The following RCOR1 variants were observed in gnomAD, a reference collection of about 807,000 sequenced individuals.
The protein encoded by RCOR1 is REST corepressor 1.
Under a neutral mutation model 64.0 loss-of-function variants are expected in RCOR1, and 12 were observed. The ratio of observed to expected loss-of-function variants is 0.19; its 90% CI spans 0.12 to 0.30. RCOR1 has a LOEUF of 0.30. RCOR1 is among the 10% of genes least tolerant of loss of function. The pLI, the probability that RCOR1 is intolerant of heterozygous loss-of-function variation, is 1.00. For synonymous variants in RCOR1, 279 were observed against 227.2 expected, an observed-to-expected ratio of 1.23 and a Z score of -2.05; for missense variants, 502 against 621.2, an observed-to-expected ratio of 0.81 and a Z score of 2.04.
chr14:102,715,360 C>T (rs758976642), intron 8 of RCOR1, among the ~76,000 whole-genome samples: 9 of 149,940 alleles, frequency 6.0e-5, no homozygotes, highest in Admixed American at 1.3e-4. Context: ...CGTGAGCCAC[C>T]GCGCCCGGCC....
chr14:102,702,646 C>T (rs1895775325), intron 4 of RCOR1, among the ~76,000 whole-genome samples: 1 of 152,092 alleles, frequency 6.6e-6, no homozygotes, highest in Admixed American at 6.6e-5. Flanking sequence ...AAAGGCAGTG[C>T]CTCAGAGAAG....
chr14:102,698,566 T>C (rs1045040038), intron 3 of RCOR1, among the ~76,000 whole-genome samples: 4 of 152,220 alleles, frequency 2.6e-5, no homozygotes, highest in African/African-American at 9.6e-5. Context: ...GAAGGAACCC[T>C]TCAAGCCAGT....
At position 102,670,718 on chromosome 14, in the gene RCOR1, C is replaced by T. The variant is rs766627597; in HGVS notation, c.362-11177C>T. 8.2e-5 allele frequency among the ~76,000 whole-genome samples: 12 copies of T among 146,822 alleles called. 1 individual carries two copies. The highest frequency in any genetic ancestry group is 4.3e-4 in the South Asian group (2 of 4,634). The stretch of plus-strand genomic sequence containing the variant: ...TGTTGTTAAAACCTGTAATTGTGAG[C>T]GTGTCTTAAAATGACAAGATTATTA... On this transcript the variant is annotated intron_variant, in intron 2 of 11. Coordinates refer to ENST00000262241, the MANE Select transcript of RCOR1 (RefSeq NM_015156.4).
In RCOR1 at chr14:102,708,449, C is replaced by G. The variant is rs763520762; in HGVS notation, c.661-16C>G. 2 of 1,317,968 alleles carry G rather than the reference C, an allele frequency of 1.5e-6. No homozygotes were observed. The highest frequency in any genetic ancestry group is 4.6e-5 in the East Asian group (2 of 43,446). The allele number at this position is 1,317,968 out of a possible 1,614,324, so 81.6% of individuals were successfully genotyped here. The stretch of plus-strand genomic sequence containing the variant: ...ACTTTTTTATTTAAATAAACCAACT[C>G]ATTTTTTATGTTTAGCTTCCAGATA... On this transcript the variant is annotated splice_polypyrimidine_tract_variant and intron_variant, in intron 5 of 11. Transcript: ENST00000262241.
chr14:102,693,746 C>T (rs1418484489), intron 3 of RCOR1, among the ~76,000 whole-genome samples: 1 of 152,184 alleles, frequency 6.6e-6, no homozygotes, highest in Non-Finnish European at 1.5e-5. Context: ...GAAAAGTCCT[C>T]GAGGGTCCCC....
At chr14:102,624,460 A>G (rs1414051623) in intron 2 of RCOR1, among the ~76,000 whole-genome samples, 2 of 149,486 alleles carry the variant, frequency 1.3e-5, no homozygotes, top group African/African-American at 4.9e-5. Context: ...AGCCAAGATC[A>G]TGCCAACTGC....
chr14:102,634,000 G>A (rs1191902516), intron 2 of RCOR1, among the ~76,000 whole-genome samples: 1 of 152,094 alleles, frequency 6.6e-6, no homozygotes, highest in Non-Finnish European at 1.5e-5. Context: ...ATACATGCTT[G>A]TGTACTCCAC....
At chr14:102,692,875 C>T (rs1895567330) in intron 3 of RCOR1, among the ~76,000 whole-genome samples, 1 of 151,152 alleles carries the variant, frequency 6.6e-6, no homozygotes, top group Admixed American at 6.6e-5. Context: ...AAGCAATTCT[C>T]GTGCCTCAGC....
chr14:102,720,749 T>C (rs542201741), intron 8 of RCOR1, among the ~76,000 whole-genome samples: 2 of 152,316 alleles, frequency 1.3e-5, no homozygotes, highest in East Asian at 3.9e-4. Context: ...GTTAGGAAGC[T>C]GTGGATCCAG....
intron 8 of RCOR1, among the ~76,000 whole-genome samples, chr14:102,716,767 G>A (rs1006549617): frequency 6.6e-6 from 1 of 152,060 alleles, no homozygotes; most frequent in Non-Finnish European, 1.5e-5. Context: ...TTAGTTATCT[G>A]GTGTAATATA....
At chr14:102,638,933 G>C (rs1894300947) in intron 2 of RCOR1, among the ~76,000 whole-genome samples, 1 of 152,214 alleles carries the variant, frequency 6.6e-6, no homozygotes, top group Non-Finnish European at 1.5e-5. Flanking sequence ...AAAGTGCTGG[G>C]ATTGCAGGCG....
At chr14:102,686,446 A>G (rs1046786526) in intron 3 of RCOR1, among the ~76,000 whole-genome samples, 4 of 152,206 alleles carry the variant, frequency 2.6e-5, no homozygotes, top group Non-Finnish European at 5.9e-5. Flanking sequence ...ACAGTGACAC[A>G]TTCTTATCAC....
chr14:102,722,430 A>C lies in RCOR1; in HGVS notation c.1419+14A>C. 1 of 1,593,350 alleles carries C rather than the reference A, an allele frequency of 6.3e-7. No individual in the cohort carries two copies. The highest frequency in any genetic ancestry group is 8.6e-7 in the Non-Finnish European group (1 of 1,163,428). ...GAGGAAGACGAGGTAAATCTGAAACAAAACAGTCACTTCTCTTGTCAGGTT... is the reference window on the plus strand; with the variant it reads ...GAGGAAGACGAGGTAAATCTGAAACCAAACAGTCACTTCTCTTGTCAGGTT... On this transcript the variant is annotated intron_variant, in intron 11 of 11. Coordinates refer to ENST00000262241, the MANE Select transcript of RCOR1 (RefSeq NM_015156.4).
At chr14:102,615,575 A>C (rs978972829) in intron 2 of RCOR1, among the ~76,000 whole-genome samples, 4 of 151,568 alleles carry the variant, frequency 2.6e-5, no homozygotes, top group African/African-American at 9.7e-5. Context: ...CAGCCTCCCA[A>C]GTAGCTGGGA....
At chr14:102,594,014 C>T (rs1164212478) in intron 2 of RCOR1, among the ~76,000 whole-genome samples, 1 of 152,116 alleles carries the variant, frequency 6.6e-6, no homozygotes, top group East Asian at 1.9e-4. Context: ...AAGCTTTAGC[C>T]TAACAAATGC....
At chr14:102,605,350 T>G (rs1184982901) in intron 2 of RCOR1, among the ~76,000 whole-genome samples, 1 of 152,182 alleles carries the variant, frequency 6.6e-6, no homozygotes, top group Non-Finnish European at 1.5e-5. Flanking sequence ...TAGAATATAG[T>G]TGGAGTTTTT....
At chr14:102,672,337 G>C (rs1321562871) in intron 2 of RCOR1, among the ~76,000 whole-genome samples, 2 of 151,966 alleles carry the variant, frequency 1.3e-5, no homozygotes, top group Non-Finnish European at 2.9e-5. Context: ...AGCCTCCCGA[G>C]TAGCTGGGAC....
intron 2 of RCOR1, among the ~76,000 whole-genome samples, chr14:102,630,744 A>T (rs1894094252): frequency 6.6e-6 from 1 of 152,116 alleles, no homozygotes; most frequent in African/African-American, 2.4e-5. Context: ...TCACCTCCGG[A>T]CTGTTTCATG....
chr14:102,607,525 T>A (rs556669045), intron 2 of RCOR1, among the ~76,000 whole-genome samples: 7 of 152,128 alleles, frequency 4.6e-5, no homozygotes, highest in Admixed American at 3.9e-4. Context: ...GGCAAGTGGG[T>A]CACCTGAGGT....
Sources: allele counts gnomAD v4.1 joint callset (sites outside exome capture counted in the v4.1 genomes callset), GRCh38; gene constraint gnomAD v4.1.1; transcripts MANE v1.5; gene names NCBI Gene and HGNC (gene_info 2026-07-23, HGNC 2026-07-21).